SPATS1: variants seen among roughly 807,000 people sequenced by gnomAD.
The protein encoded by SPATS1 is spermatogenesis-associated serine-rich protein 1.
Under a neutral mutation model 33.6 loss-of-function variants are expected in SPATS1, and 23 were observed. The observed-to-expected ratio is 0.68, with a 90% confidence interval of 0.49 to 0.97. The LOEUF (loss-of-function observed/expected upper bound fraction) is 0.97, where lower values mean the gene tolerates loss of function less well. Ranked by LOEUF, SPATS1 falls within the 50% of genes least tolerant of loss-of-function variation. SPATS1 has a pLI of 0.00. For synonymous variants in SPATS1, 131 were observed against 125.6 expected (o/e 1.04, Z -0.29); for missense variants, 327 against 361.0 (o/e 0.91, Z 0.76).
chr6:44,368,390 A>T lies in SPATS1; in HGVS notation c.586A>T (p.Arg196Trp), dbSNP rs1561959717. 1.9e-6 allele frequency: 3 copies of T among 1,613,400 alleles called. No homozygotes were observed. Among genetic ancestry groups the T allele is most frequent in the Non-Finnish European group, 2.5e-6 (3 of 1,179,704 alleles). The change falls in exon 6 of 9, where the codon AGG (arginine) becomes TGG (tryptophan). Residue 196 changes from arginine (R) to tryptophan (W), a missense_variant. Coordinates refer to ENST00000674044, the MANE Select transcript of SPATS1 (RefSeq NM_001372081.1). ...FGRKKYDIDP[R>W]NGIPKLTPGD... ...AACCTTCTCCACAGATATTGATCCC[A>T]GGAATGGAATCCCAAAGTTAACTCC...
In SPATS1 at chr6:44,366,607, C is replaced by T. The variant is rs187520532; in HGVS notation, c.575-1772C>T. 1.5e-4 allele frequency among the ~76,000 whole-genome samples: 23 copies of T among 152,270 alleles called. No individual in the cohort carries two copies. The East Asian group carries it at 4.4e-3, about 29-fold the overall frequency. On this transcript the variant is annotated intron_variant, in intron 5 of 8. Coordinates refer to ENST00000674044, the MANE Select transcript of SPATS1 (RefSeq NM_001372081.1). ...CAGGTGTGCTAAAATTTTGGAACCACTGTTCTATAGTATATGGCATTTACT... is the reference window on the plus strand; with the variant it reads ...CAGGTGTGCTAAAATTTTGGAACCATTGTTCTATAGTATATGGCATTTACT...
Position 44,376,341 on chromosome 6 carries a change from T to C in SPATS1, c.759-17T>C, listed in dbSNP as rs1335685846. 9 of 1,572,194 alleles carry C rather than the reference T, an allele frequency of 5.7e-6. No individual in the cohort carries two copies. In the Admixed American group the frequency reaches 1.4e-4, roughly 24 times the overall value. ...TTGCATCAAACTACAACTCAGGGTG[T>C]TGTCTTCTTCCCACAGCTTGCCTTT... On this transcript the variant is annotated splice_polypyrimidine_tract_variant and intron_variant, in intron 7 of 8. Transcript: ENST00000674044.
At chr6:44,362,321 A>G (rs1788970546) in intron 5 of SPATS1, among the ~76,000 whole-genome samples, 1 of 152,264 alleles carries the variant, frequency 6.6e-6, no homozygotes, top group African/African-American at 2.4e-5. Context: ...TGTTCCAATT[A>G]GATGCTGCCT....
chr6:44,357,487 A>AT (rs1447169663), intron 3 of SPATS1, among the ~76,000 whole-genome samples: 1 of 152,062 alleles, frequency 6.6e-6, no homozygotes, highest in African/African-American at 2.4e-5. Context: ...GGTTCAAGTG[A>AT]TTCCCCCTCC....
chr6:44,360,687 T>A, intron 4 of SPATS1, 117 bp downstream of exon 4: 1 of 1,279,680 alleles, frequency 7.8e-7, no homozygotes, highest in East Asian at 2.4e-5. Context: ...ATGTACTTTA[T>A]CTCAAAATTC....
At chr6:44,350,033 T>TC (rs1471313860) in intron 2 of SPATS1, among the ~76,000 whole-genome samples, 4 of 152,192 alleles carry the variant, frequency 2.6e-5, no homozygotes, top group Non-Finnish European at 5.9e-5. Context: ...TGGGCTTGAC[T>TC]CCATCCCAGT....
At chr6:44,348,543 T>C (rs755983789) in intron 2 of SPATS1, among the ~76,000 whole-genome samples, 1 of 152,176 alleles carries the variant, frequency 6.6e-6, no homozygotes, top group Non-Finnish European at 1.5e-5. Flanking sequence ...AATTCTTGGA[T>C]AGACAGTTTG....
intron 5 of SPATS1, among the ~76,000 whole-genome samples, chr6:44,366,719 CAA>C (rs1789272693): frequency 2.6e-5 from 4 of 152,132 alleles, no homozygotes; most frequent in Non-Finnish European, 4.4e-5. Flanking sequence ...AGCTATATAG[CAA>C]TCGTATCCTC....
chr6:44,372,550 C>T (rs1789691788), intron 7 of SPATS1, among the ~76,000 whole-genome samples: 1 of 152,074 alleles, frequency 6.6e-6, no homozygotes, highest in South Asian at 2.1e-4. Flanking sequence ...GCAACCTCCG[C>T]CCCTAGGTTC....
At chr6:44,349,983 G>A (rs149934441) in intron 2 of SPATS1, among the ~76,000 whole-genome samples, 3 of 152,234 alleles carry the variant, frequency 2.0e-5, no homozygotes, top group East Asian at 1.9e-4. Context: ...CTGGGGACCC[G>A]TCTCCTCATC....
intron 6 of SPATS1, among the ~76,000 whole-genome samples, chr6:44,369,529 G>T (rs569923999): frequency 6.6e-6 from 1 of 150,784 alleles, no homozygotes; most frequent in Non-Finnish European, 1.5e-5. Context: ...TAGCCTGGGC[G>T]ACAGAGTTAA....
chr6:44,360,052 G>A (rs923399999), intron 3 of SPATS1, among the ~76,000 whole-genome samples: 43 of 152,080 alleles, frequency 2.8e-4, no homozygotes, highest in African/African-American at 8.5e-4. Context: ...GTTCTTTTAG[G>A]TATACACCTA....
Position 44,377,889 on chromosome 6 carries a change from C to T in SPATS1, c.*826C>T, listed in dbSNP as rs913630043. ...ATGGCCTTACCTCCTAATACCATCA[C>T]CTTGGGGATTAGGTTTCGACATATG... On this transcript the variant is annotated 3_prime_UTR_variant, in exon 9 of 9. Transcript: ENST00000674044. 6.6e-6 allele frequency: 1 copy of T among 152,134 alleles called. No individual in the cohort carries two copies. The highest frequency in any genetic ancestry group is 2.4e-5 in the African/African-American group (1 of 41,400). 9.4% of individuals were successfully genotyped at this position (152,134 alleles called of 1,614,324 possible). A position where few individuals can be genotyped will look rare whatever the true frequency, so the allele number is the denominator to read the frequency against.
intron 5 of SPATS1, among the ~76,000 whole-genome samples, chr6:44,364,393 T>C (rs1299725272): frequency 6.6e-6 from 1 of 152,218 alleles, no homozygotes; most frequent in Non-Finnish European, 1.5e-5. Context: ...TTCTCCCTCC[T>C]TTTTTCTTGC....
intron 3 of SPATS1, among the ~76,000 whole-genome samples, 182 bp from the exon 4 acceptor site, chr6:44,360,264 C>A (rs1300786050): frequency 6.6e-6 from 1 of 152,152 alleles, no homozygotes; most frequent in East Asian, 1.9e-4. Context: ...CACTGAATAC[C>A]CATCTTTTCA....
chr6:44,360,640 C>G, intron 4 of SPATS1, 70 bp downstream of exon 4: 1 of 1,560,150 alleles, frequency 6.4e-7, no homozygotes, highest in Non-Finnish European at 8.7e-7. Flanking sequence ...ATACTGTTGG[C>G]CACCCTCATC....
intron 2 of SPATS1, among the ~76,000 whole-genome samples, chr6:44,351,706 A>G (rs1788255826): frequency 6.6e-6 from 1 of 152,198 alleles, no homozygotes; most frequent in South Asian, 2.1e-4. Flanking sequence ...ATATTCTTCT[A>G]TGTCTGACAC....
At chr6:44,345,991 C>T (rs900732142) in intron 2 of SPATS1, among the ~76,000 whole-genome samples, 1 of 152,094 alleles carries the variant, frequency 6.6e-6, no homozygotes, top group East Asian at 1.9e-4. Context: ...TTCGGTTCTT[C>T]AATTATTTGG....
intron 2 of SPATS1, among the ~76,000 whole-genome samples, chr6:44,345,029 G>T (rs546518720): frequency 6.6e-6 from 1 of 152,110 alleles, no homozygotes; most frequent in Non-Finnish European, 1.5e-5. Context: ...GGAGCTGGGC[G>T]TGGAGAAGTA....
Sources: allele counts gnomAD v4.1 joint callset (sites outside exome capture counted in the v4.1 genomes callset), GRCh38; gene constraint gnomAD v4.1.1; transcripts MANE v1.5; gene names NCBI Gene and HGNC (gene_info 2026-07-23, HGNC 2026-07-21).